The following THBS2 variants were observed in gnomAD, a reference collection of about 807,000 sequenced individuals.
The protein encoded by THBS2 is thrombospondin-2.
A neutral mutation model predicts 135.2 loss-of-function variants in THBS2; 47 were observed. The observed-to-expected ratio is 0.35, with a 90% confidence interval of 0.28 to 0.44. THBS2 has a LOEUF of 0.44. Ranked by LOEUF, THBS2 falls within the 20% of genes least tolerant of loss-of-function variation. The probability of loss-of-function intolerance (pLI) is 1.00; values close to 1 mark genes in which losing one functional copy is unlikely to be tolerated. For missense variants in THBS2, 1,288 were observed against 1,603.1 expected, an observed-to-expected ratio of 0.80 and a Z score of 3.36; for synonymous variants, 639 against 633.8, an observed-to-expected ratio of 1.01 and a Z score of -0.12.
chr6:169,247,555 T>C (rs1471871023), intron 3 of THBS2, among the ~76,000 whole-genome samples: 8 of 152,042 alleles, frequency 5.3e-5, no homozygotes, highest in Admixed American at 4.6e-4. Flanking sequence ...ATGTATGGTG[T>C]TTGTGTAGGT....
At chr6:169,226,517 G>C (rs1399950024) in intron 15 of THBS2, among the ~76,000 whole-genome samples, 1 of 152,204 alleles carries the variant, frequency 6.6e-6, no homozygotes, top group Non-Finnish European at 1.5e-5. Context: ...CCTTTCATTT[G>C]AAATAGAACC....
intron 1 of THBS2, among the ~76,000 whole-genome samples, chr6:169,251,040 G>A (rs1780734481): frequency 6.6e-6 from 1 of 152,184 alleles, no homozygotes; most frequent in Admixed American, 6.5e-5. Flanking sequence ...TGCACATCAC[G>A]TTCTAAATAT....
chr6:169,224,587 G>T (rs1195667710), intron 17 of THBS2, among the ~76,000 whole-genome samples: 3 of 152,204 alleles, frequency 2.0e-5, no homozygotes, highest in Non-Finnish European at 4.4e-5. Context: ...CTCCCCGGAA[G>T]CCCCAGAGCA....
Position 169,217,656 on chromosome 6 carries a change from A to C in THBS2, c.*166T>G. The C allele has an allele frequency of 1.6e-6, 1 of 631,612 alleles. No individual in the cohort carries two copies. The highest frequency in any genetic ancestry group is 2.7e-6 in the Non-Finnish European group (1 of 374,700). The allele number at this position is 631,612 out of a possible 1,614,324, so 39.1% of individuals were successfully genotyped here. ...AGTTCCATTGATATTTATCCTCTGA[A>C]GGCACTTGGGTTTGGGGTTGCTGGC... On this transcript the variant is annotated 3_prime_UTR_variant, in exon 22 of 22. Coordinates refer to ENST00000617924, the MANE Select transcript of THBS2 (RefSeq NM_003247.5).
chr6:169,253,402 C>A (rs559471660), intron 1 of THBS2, among the ~76,000 whole-genome samples: 2 of 152,132 alleles, frequency 1.3e-5, no homozygotes, highest in Admixed American at 1.3e-4. Context: ...AAACATAAAG[C>A]GTTTACCCGG....
chr6:169,221,551 G>C, intron 19 of THBS2, 24 bp from the exon 20 acceptor site: 1 of 1,610,362 alleles, frequency 6.2e-7, no homozygotes, highest in Non-Finnish European at 8.5e-7. Context: ...TAGCACTCTT[G>C]AGTGCCATGG....
intron 17 of THBS2, among the ~76,000 whole-genome samples, chr6:169,224,941 A>G (rs1779567263): frequency 6.6e-6 from 1 of 152,180 alleles, no homozygotes; most frequent in Admixed American, 6.5e-5. Context: ...CACCTGTTGA[A>G]GGGCACACAC....
In THBS2 at chr6:169,217,784, C is replaced by A; in HGVS notation, c.*38G>T. On this transcript the variant is annotated 3_prime_UTR_variant, in exon 22 of 22. Transcript: ENST00000617924. ...GAACTGAGGTGTCTAGGGACCATGG[C>A]ATGCACAGGGCATTGCCGGAAATGC... 3.7e-6 allele frequency: 6 copies of A among 1,609,754 alleles called. No individual in the cohort carries two copies. In the South Asian group the frequency reaches 6.6e-5, roughly 18 times the overall value.
At chr6:169,243,915 G>A in intron 4 of THBS2, among the ~76,000 whole-genome samples, 1 of 152,190 alleles carries the variant, frequency 6.6e-6, no homozygotes, top group East Asian at 1.9e-4. Flanking sequence ...TGGAAAAGGG[G>A]ATGTCATTAC....
intron 20 of THBS2, 123 bp downstream of exon 20, chr6:169,221,307 G>A (rs1583403864): frequency 1.6e-5 from 13 of 793,312 alleles, no homozygotes; most frequent in South Asian, 3.2e-5. Context: ...AGTTAATGAC[G>A]AAGAATCCAG....
rs1419354858 is a variant in THBS2 at position 169,242,665 on chromosome 6, A to ACCTTC, written c.695-708_695-707insGAAGG. Among the ~76,000 whole-genome samples, 5 of 17,002 alleles carry ACCTTC rather than the reference A, an allele frequency of 2.9e-4. 1 individual carries two copies. Among genetic ancestry groups the ACCTTC allele is most frequent in the Non-Finnish European group, 3.4e-4 (3 of 8,846 alleles). The allele number at this position is 17,002 out of a possible 152,430, so 11.2% of individuals were successfully genotyped here. A position where few individuals can be genotyped will look rare whatever the true frequency, so the allele number is the denominator to read the frequency against. On this transcript the variant is annotated intron_variant, in intron 4 of 21. Transcript: ENST00000617924. ...ACCTTCCCACCACTCCCACCTTCCCACCACTCCCACCTTCCCACCTTCCCA... is the reference window on the plus strand; with the variant it reads ...ACCTTCCCACCACTCCCACCTTCCCACCTTCCCACTCCCACCTTCCCACCTTCCCA...
Position 169,253,727 on chromosome 6 carries a change from G to C in THBS2, c.-26C>G, listed in dbSNP as rs1315042889. On this transcript the variant is annotated 5_prime_UTR_variant, in exon 1 of 22. Transcript: ENST00000617924. ...TGAGTTTAAGAAATAATCGTACCTGGTTTGCCAAAAAGATGCAGTGATGAC... is the reference window on the plus strand; with the variant it reads ...TGAGTTTAAGAAATAATCGTACCTGCTTTGCCAAAAAGATGCAGTGATGAC... The C allele has an allele frequency of 6.6e-6, 1 of 152,196 alleles. No individual in the cohort carries two copies. Among genetic ancestry groups the C allele is most frequent in the Non-Finnish European group, 1.5e-5 (1 of 68,038 alleles). 9.4% of individuals were successfully genotyped at this position (152,196 alleles called of 1,614,324 possible). A position where few individuals can be genotyped will look rare whatever the true frequency, so the allele number is the denominator to read the frequency against.
At chr6:169,248,242 G>C (rs1780624728) in intron 3 of THBS2, among the ~76,000 whole-genome samples, 175 bp downstream of exon 3, 1 of 152,124 alleles carries the variant, frequency 6.6e-6, no homozygotes, top group Admixed American at 6.5e-5. Context: ...GGCAGTGTGT[G>C]CATGTGCATG....
In THBS2 at chr6:169,238,194, C is replaced by A. The variant is rs188400009; in HGVS notation, c.1130-399G>T. On this transcript the variant is annotated intron_variant, in intron 7 of 21. Transcript: ENST00000617924. The stretch of plus-strand genomic sequence containing the variant: ...AAAAATGTAACGTATTTCCATTTAA[C>A]CTCTGTTCGCTGATTTACATAATGT... Among the ~76,000 whole-genome samples, 1,361 of 152,324 alleles carry A rather than the reference C, an allele frequency of 8.9e-3. 12 individuals carry two copies. Among genetic ancestry groups the A allele is most frequent in the Non-Finnish European group, 0.015 (1,003 of 68,034 alleles).
chr6:169,222,449 A>T lies in THBS2; in HGVS notation c.3021T>A (p.Ser1007=). ...GIAVGFDEFG[S]VDFSGTFYVN... ...CGTAGAATGTGCCACTGAAGTCCACAGACCCAAACTCGTCAAAACCTGGAT... is the reference window on the plus strand; with the variant it reads ...CGTAGAATGTGCCACTGAAGTCCACTGACCCAAACTCGTCAAAACCTGGAT... Residue 1007 remains serine, a synonymous_variant, in exon 19 of 22, where the codon TCT becomes TCA. Transcript: ENST00000617924. 1.2e-6 allele frequency: 2 copies of T among 1,613,510 alleles called. No homozygotes were observed. Among genetic ancestry groups the T allele is most frequent in the Non-Finnish European group, 1.7e-6 (2 of 1,179,822 alleles).
At chr6:169,247,724 A>C (rs1227023832) in intron 3 of THBS2, among the ~76,000 whole-genome samples, 1 of 151,580 alleles carries the variant, frequency 6.6e-6, no homozygotes, top group East Asian at 1.9e-4. Context: ...GGTTGTGTGC[A>C]CATGTGCATG....
At position 169,228,128 on chromosome 6, in the gene THBS2, C is replaced by T; in HGVS notation, c.2413G>A (p.Gly805Arg). Residue 805 changes from glycine (G) to arginine (R), a missense_variant, in exon 15 of 22, where the codon GGG becomes AGG. Coordinates refer to ENST00000617924, the MANE Select transcript of THBS2 (RefSeq NM_003247.5). ...AAGGAGCAGAAGCACCCACCGTCCC[C>T]ATCAATGTCCACGGAGCAGGCGTCA... ...EGDACSVDIDGDDVFNERDNC... is the reference protein window; with the variant it reads ...EGDACSVDIDRDDVFNERDNC... The T allele has an allele frequency of 1.2e-6, 2 of 1,612,900 alleles. No homozygotes were observed. Among genetic ancestry groups the T allele is most frequent in the Non-Finnish European group, 1.7e-6 (2 of 1,179,676 alleles).
intron 16 of THBS2, among the ~76,000 whole-genome samples, chr6:169,225,795 C>G (rs1779606326): frequency 6.6e-6 from 1 of 152,164 alleles, no homozygotes; most frequent in Admixed American, 6.5e-5. Context: ...GGAAATGAAG[C>G]CAATTCCTAT....
At chr6:169,219,764 C>T (rs775666705) in intron 21 of THBS2, 1 of 518,448 alleles carries the variant, frequency 1.9e-6, no homozygotes, top group East Asian at 5.4e-5. Flanking sequence ...TTCAAGTTAT[C>T]TTCCAGGTCT....
Sources: gnomAD v4.1 joint callset for allele counts (sites outside exome capture counted in the v4.1 genomes callset) on GRCh38, gnomAD v4.1.1 for gene constraint, MANE v1.5 for transcripts, NCBI Gene and HGNC (gene_info 2026-07-23, HGNC 2026-07-21) for gene names.